Variants in ECSIT observed in about 807,000 individuals in gnomAD.
The protein encoded by ECSIT is ECSIT signaling integrator.
A neutral mutation model predicts 36.8 loss-of-function variants in ECSIT; 29 were observed. The observed-to-expected ratio is 0.79, with a 90% CI of 0.59 to 1.08. The LOEUF (loss-of-function observed/expected upper bound fraction) is 1.08. ECSIT is among the 50% of genes least tolerant of loss of function. The probability of loss-of-function intolerance (pLI) is 0.00; values close to 1 mark genes in which losing one functional copy is unlikely to be tolerated. For missense variants in ECSIT, 542 were observed against 581.0 expected (o/e 0.93, Z 0.69); for synonymous variants, 231 against 234.8 (o/e 0.98, Z 0.15).
At chr19:11,516,644 C>A (rs180967323) in intron 2 of ECSIT, among the ~76,000 whole-genome samples, 104 of 151,378 alleles carry the variant, frequency 6.9e-4, no homozygotes, top group African/African-American at 2.4e-3. Context: ...GAGAGTAAAA[C>A]CTTATCTCTA....
chr19:11,514,178 G>C lies in ECSIT; in HGVS notation c.140C>G (p.Ala47Gly), dbSNP rs1401880097. Residue 47 changes from alanine to glycine, a missense_variant, in exon 3 of 8, where the codon GCC becomes GGC. Physicochemically the swap from Ala to Gly is moderately conservative, Grantham distance 60 (BLOSUM62 0). Transcript: ENST00000270517. Reference protein sequence around the residue: ...LPRGLHCSAAAHSSEQSLVPS... With the variant: ...LPRGLHCSAAGHSSEQSLVPS... The stretch of plus-strand genomic sequence containing the variant: ...AACCAGGGACTGTTCAGAGCTATGG[G>C]CAGCTGCGCTGCAGTGGAGGCCCCG... 6.2e-7 allele frequency: 1 copy of C among 1,610,586 alleles called. No homozygotes were observed. Among genetic ancestry groups the C allele is most frequent in the Non-Finnish European group, 8.5e-7 (1 of 1,177,882 alleles).
chr19:11,516,684 TACACACACAC>T (rs142103677), intron 2 of ECSIT, among the ~76,000 whole-genome samples: 1 of 148,246 alleles, frequency 6.7e-6, no homozygotes, highest in Non-Finnish European at 1.5e-5. Context: ...TGTGTTTATC[TACACACACAC>T]ACACACACAC....
At chr19:11,526,403 A>G (rs1252568227) in intron 1 of ECSIT, among the ~76,000 whole-genome samples, 2 of 152,188 alleles carry the variant, frequency 1.3e-5, no homozygotes, top group Non-Finnish European at 2.9e-5. Context: ...ACTTTGGCAT[A>G]TACCCAGCCA....
chr19:11,512,426 G>A (rs1006209087), intron 4 of ECSIT, among the ~76,000 whole-genome samples: 2 of 152,174 alleles, frequency 1.3e-5, no homozygotes, highest in African/African-American at 4.8e-5. Context: ...CTTTGAAGCA[G>A]AGAGCAAACC....
chr19:11,508,359 GGAT>G (rs1478205780), intron 4 of ECSIT, among the ~76,000 whole-genome samples: 4 of 147,710 alleles, frequency 2.7e-5, no homozygotes, highest in African/African-American at 1.1e-4. Flanking sequence ...TGCACAATAG[GGAT>G]GATAACAGCA....
intron 1 of ECSIT, among the ~76,000 whole-genome samples, chr19:11,526,348 A>G (rs1017860802): frequency 3.9e-5 from 6 of 152,084 alleles, no homozygotes; most frequent in South Asian, 2.1e-4. Context: ...TGGCTCCCCA[A>G]TGTTCACCTC....
intron 1 of ECSIT, among the ~76,000 whole-genome samples, chr19:11,524,651 A>G (rs1972175944): frequency 6.6e-6 from 1 of 151,336 alleles, no homozygotes; most frequent in South Asian, 2.1e-4. Flanking sequence ...GCAAAAAGAA[A>G]AAAAAAAAAG....
At chr19:11,515,138 T>C (rs1190317399) in intron 2 of ECSIT, among the ~76,000 whole-genome samples, 8 of 148,694 alleles carry the variant, frequency 5.4e-5, no homozygotes, top group East Asian at 4.0e-4. Context: ...GAGTCTCGCT[T>C]TGTCACCCAG....
At chr19:11,521,313 T>G (rs1972098085) in intron 1 of ECSIT, among the ~76,000 whole-genome samples, 1 of 152,174 alleles carries the variant, frequency 6.6e-6, no homozygotes, top group Non-Finnish European at 1.5e-5. Flanking sequence ...TGCTGAGACA[T>G]ATGGTAACTA....
At chr19:11,528,653 A>T (rs1972263956) in intron 1 of ECSIT, 1 of 152,170 alleles carries the variant, frequency 6.6e-6, no homozygotes, top group South Asian at 2.1e-4. Flanking sequence ...CTGGTATATG[A>T]CAGATGCCTA....
At chr19:11,527,972 G>C (rs1972249493) in intron 1 of ECSIT, among the ~76,000 whole-genome samples, 1 of 152,082 alleles carries the variant, frequency 6.6e-6, no homozygotes. Flanking sequence ...TGCACTCCAG[G>C]CTTGACGAAC....
intron 7 of ECSIT, among the ~76,000 whole-genome samples, 178 bp downstream of exon 7, chr19:11,507,279 T>C (rs572345805): frequency 2.9e-4 from 42 of 146,952 alleles, no homozygotes; most frequent in Non-Finnish European, 5.5e-4. Flanking sequence ...TCCAGGTTTT[T>C]GCCTTTTTTT....
At position 11,505,977 on chromosome 19, in the gene ECSIT, A is replaced by C. The variant is rs961608058; in HGVS notation, c.*207T>G. On this transcript the variant is annotated 3_prime_UTR_variant, in exon 8 of 8. Transcript: ENST00000270517. ...GCCCCTTTTTATTTGAATTCGGAGAACCAGAGGCGCCTGCAGATTCTGGAG... is the reference window on the plus strand; with the variant it reads ...GCCCCTTTTTATTTGAATTCGGAGACCCAGAGGCGCCTGCAGATTCTGGAG... 4 of 973,220 alleles carry C rather than the reference A, an allele frequency of 4.1e-6. No individual in the cohort carries two copies. Among genetic ancestry groups the C allele is most frequent in the South Asian group, 1.7e-5 (1 of 58,934 alleles). 60.3% of individuals were successfully genotyped at this position (973,220 alleles called of 1,614,324 possible).
chr19:11,512,964 C>T, intron 4 of ECSIT, 92 bp downstream of exon 4: 2 of 1,297,256 alleles, frequency 1.5e-6, no homozygotes, highest in Non-Finnish European at 2.2e-6. Flanking sequence ...TGATTCACCA[C>T]AATCACTAGA....
chr19:11,509,490 G>A (rs1160735946), intron 4 of ECSIT, among the ~76,000 whole-genome samples: 2 of 151,666 alleles, frequency 1.3e-5, no homozygotes, highest in African/African-American at 4.8e-5. Context: ...TGAGCAGGCC[G>A]GGCGCAGTGG....
chr19:11,526,688 A>C (rs1972220986), intron 1 of ECSIT, among the ~76,000 whole-genome samples: 4 of 149,350 alleles, frequency 2.7e-5, no homozygotes, highest in Admixed American at 2.7e-4. Flanking sequence ...TCCTGCCTCC[A>C]GTCAGTTCTC....
chr19:11,506,001 A>C lies in ECSIT; in HGVS notation c.*183T>G. 9.3e-7 allele frequency: 1 copy of C among 1,077,710 alleles called. No individual in the cohort carries two copies. The highest frequency in any genetic ancestry group is 1.3e-6 in the Non-Finnish European group (1 of 756,094). 66.8% of individuals were successfully genotyped at this position (1,077,710 alleles called of 1,614,324 possible). On this transcript the variant is annotated 3_prime_UTR_variant, in exon 8 of 8. Coordinates refer to ENST00000270517, the MANE Select transcript of ECSIT (RefSeq NM_016581.5). ...AACCAGAGGCGCCTGCAGATTCTGG[A>C]GGGGTCTCGCCTGCCCATCGCTGGC...
intron 1 of ECSIT, chr19:11,522,252 G>C (rs1459496131): frequency 1.6e-6 from 1 of 623,708 alleles, no homozygotes; most frequent in East Asian, 2.8e-5. Context: ...ACATGTACCA[G>C]GAATATTGGG....
At chr19:11,516,955 G>T (rs1390479823) in intron 2 of ECSIT, among the ~76,000 whole-genome samples, 1 of 152,100 alleles carries the variant, frequency 6.6e-6, no homozygotes, top group Admixed American at 6.6e-5. Context: ...GCGGGTCGAG[G>T]TTGCAGTGAG....
Sources: gnomAD v4.1 joint callset for allele counts (sites outside exome capture counted in the v4.1 genomes callset) on GRCh38, gnomAD v4.1.1 for gene constraint, MANE v1.5 for transcripts, NCBI Gene and HGNC (gene_info 2026-07-23, HGNC 2026-07-21) for gene names.